LIN52: variants seen among roughly 807,000 people sequenced by gnomAD.
LIN52 encodes lin-52 DREAM MuvB core complex component.
LIN52 carries 4 observed loss-of-function variants against 18.5 expected under a neutral mutation model. That is an observed-to-expected ratio of 0.22 (90% CI 0.11 to 0.49). LIN52 has a LOEUF of 0.49. LIN52 is among the 20% of genes least tolerant of loss of function. The pLI is 0.97. For missense variants in LIN52, 102 were observed against 139.5 expected, an observed-to-expected ratio of 0.73 and a Z score of 1.35; for synonymous variants, 34 against 45.5, an observed-to-expected ratio of 0.75 and a Z score of 1.02.
At chr14:74,094,623 T>C (rs2060795425) in intron 2 of LIN52, among the ~76,000 whole-genome samples, 1 of 152,222 alleles carries the variant, frequency 6.6e-6, no homozygotes, top group African/African-American at 2.4e-5. Flanking sequence ...TATCTTCATA[T>C]ACATGGAAGA....
At chr14:74,156,290 G>A (rs1268876094) in intron 5 of LIN52, among the ~76,000 whole-genome samples, 3 of 152,068 alleles carry the variant, frequency 2.0e-5, no homozygotes, top group Non-Finnish European at 4.4e-5. Flanking sequence ...ATGTTGATGC[G>A]AATGCCCAGT....
At chr14:74,178,875 G>T (rs1450486124) in intron 5 of LIN52, among the ~76,000 whole-genome samples, 1 of 151,740 alleles carries the variant, frequency 6.6e-6, no homozygotes, top group African/African-American at 2.4e-5. Context: ...GAGGCCAGGA[G>T]TTCAGGACCA....
chr14:74,135,769 C>G (rs982229441), intron 5 of LIN52, among the ~76,000 whole-genome samples: 5 of 151,994 alleles, frequency 3.3e-5, no homozygotes, highest in African/African-American at 1.2e-4. Flanking sequence ...GAGGGATAAT[C>G]TCTTCAGGCC....
intron 5 of LIN52, among the ~76,000 whole-genome samples, chr14:74,132,050 G>A (rs1381029418): frequency 6.6e-6 from 1 of 152,184 alleles, no homozygotes; most frequent in Non-Finnish European, 1.5e-5. Context: ...AAAAGGGAAA[G>A]GCATGTTAAC....
chr14:74,103,528 G>A (rs2060874880), intron 5 of LIN52, among the ~76,000 whole-genome samples: 1 of 148,892 alleles, frequency 6.7e-6, no homozygotes, highest in Non-Finnish European at 1.5e-5. Flanking sequence ...CACCTCCCAG[G>A]TTCAAGCGAT....
intron 5 of LIN52, among the ~76,000 whole-genome samples, chr14:74,118,199 T>A (rs1278272808): frequency 6.6e-6 from 1 of 151,996 alleles, no homozygotes; most frequent in East Asian, 1.9e-4. Context: ...AGTTTGAGAC[T>A]GCAGTGAGCT....
rs148201536 is a variant in LIN52, at chr14:74,089,087, GT to G, written c.20-2144del. Among the ~76,000 whole-genome samples, 1,051 of 152,270 alleles carry G rather than the reference GT, an allele frequency of 6.9e-3. 15 individuals carry two copies. The highest frequency in any genetic ancestry group is 0.024 in the African/African-American group (1,012 of 41,556). On this transcript the variant is annotated intron_variant, in intron 1 of 5. Transcript: ENST00000555028. ...ATTCCGGGGGTGTGAAGGGGAAAGG[GT>G]AAGAATGGGAGCAGAGAGATCTGTT...
intron 5 of LIN52, among the ~76,000 whole-genome samples, chr14:74,138,649 A>G (rs1447034706): frequency 6.6e-6 from 1 of 151,748 alleles, no homozygotes; most frequent in Non-Finnish European, 1.5e-5. Context: ...GCTACTTGGG[A>G]GGCTAAGGTG....
intron 5 of LIN52, among the ~76,000 whole-genome samples, chr14:74,176,897 C>A (rs2061296707): frequency 6.6e-6 from 1 of 152,198 alleles, no homozygotes; most frequent in Non-Finnish European, 1.5e-5. Context: ...AACCTATTTT[C>A]TATCTCTGGG....
intron 5 of LIN52, among the ~76,000 whole-genome samples, chr14:74,126,434 A>G (rs760682774): frequency 1.1e-4 from 17 of 152,208 alleles, no homozygotes; most frequent in Non-Finnish European, 1.9e-4. Context: ...CTTCTACACA[A>G]ATGTTCACAT....
chr14:74,110,064 T>C (rs1367251452), intron 5 of LIN52, among the ~76,000 whole-genome samples: 1 of 152,086 alleles, frequency 6.6e-6, no homozygotes, highest in Non-Finnish European at 1.5e-5. Flanking sequence ...AGCTGTGGGC[T>C]TTTTGTAGAT....
At chr14:74,198,030 T>C (rs1296112023) in intron 5 of LIN52, among the ~76,000 whole-genome samples, 1 of 152,232 alleles carries the variant, frequency 6.6e-6, no homozygotes, top group Admixed American at 6.5e-5. Context: ...AAGGCCTGGC[T>C]TCCAGAGCCA....
intron 5 of LIN52, among the ~76,000 whole-genome samples, chr14:74,132,533 G>A (rs1014998550): frequency 2.0e-5 from 3 of 152,002 alleles, no homozygotes; most frequent in South Asian, 2.1e-4. Flanking sequence ...TTTTTGAGAC[G>A]GAGTCTTACT....
intron 1 of LIN52, among the ~76,000 whole-genome samples, chr14:74,087,667 A>G (rs893007307): frequency 1.3e-5 from 2 of 152,012 alleles, no homozygotes; most frequent in Non-Finnish European, 2.9e-5. Flanking sequence ...TTAGTGTTCC[A>G]CCTGTCACTG....
chr14:74,092,834 C>T (rs1238252867), intron 2 of LIN52, among the ~76,000 whole-genome samples: 3 of 151,612 alleles, frequency 2.0e-5, no homozygotes, highest in Non-Finnish European at 4.4e-5. Flanking sequence ...CGAGAATTGC[C>T]TGAACCCGGG....
chr14:74,147,743 C>T (rs1029149716), intron 5 of LIN52, among the ~76,000 whole-genome samples: 7 of 152,060 alleles, frequency 4.6e-5, no homozygotes, highest in African/African-American at 7.2e-5. Context: ...AAAAACACTA[C>T]GTAATTCCAC....
chr14:74,095,672 C>T (rs2060806645), intron 2 of LIN52, among the ~76,000 whole-genome samples: 1 of 152,204 alleles, frequency 6.6e-6, no homozygotes, highest in Non-Finnish European at 1.5e-5. Flanking sequence ...ACCCTCCCAA[C>T]CAGCTAACTC....
chr14:74,130,285 T>TTTTTG (rs1595167987), intron 5 of LIN52, among the ~76,000 whole-genome samples: 7 of 128,538 alleles, frequency 5.4e-5, no homozygotes, highest in South Asian at 4.8e-4. Flanking sequence ...TTGGTTTTTT[T>TTTTTG]TTTTTTTTTT....
At chr14:74,102,246 A>G (rs1382937497) in intron 5 of LIN52, among the ~76,000 whole-genome samples, 2 of 152,144 alleles carry the variant, frequency 1.3e-5, no homozygotes, top group African/African-American at 4.8e-5. Context: ...CTGTCTCAAA[A>G]ACAAGAAAAT....
Sources: gnomAD v4.1 joint callset for allele counts (sites outside exome capture counted in the v4.1 genomes callset) on GRCh38, gnomAD v4.1.1 for gene constraint, MANE v1.5 for transcripts, NCBI Gene and HGNC (gene_info 2026-07-23, HGNC 2026-07-21) for gene names.